The following CCSER1 variants were observed in gnomAD, a reference collection of about 807,000 sequenced individuals.
CCSER1 encodes the protein coiled-coil serine rich protein 1.
Under a neutral mutation model 82.0 loss-of-function variants are expected in CCSER1, and 41 were observed. That is an observed-to-expected ratio of 0.50 (90% CI 0.39 to 0.65). The LOEUF (loss-of-function observed/expected upper bound fraction) is 0.65, where lower values mean the gene tolerates loss of function less well. Among genes scored for constraint, CCSER1 ranks in the 30% least tolerant of loss-of-function variants. The pLI is 0.00. For synonymous variants in CCSER1, 414 were observed against 383.9 expected, an observed-to-expected ratio of 1.08 and a Z score of -0.92; for missense variants, 1,119 against 1,064.2, an observed-to-expected ratio of 1.05 and a Z score of -0.72.
chr4:91,336,127 CTG>C (rs1049439926), intron 10 of CCSER1, among the ~76,000 whole-genome samples: 1 of 152,072 alleles, frequency 6.6e-6, no homozygotes, highest in Non-Finnish European at 1.5e-5. Context: ...GTAATGATAT[CTG>C]TGTCTATGCA....
chr4:91,103,987 T>TG (rs35613651), intron 10 of CCSER1, among the ~76,000 whole-genome samples: 2 of 152,078 alleles, frequency 1.3e-5, no homozygotes, highest in South Asian at 2.1e-4. Flanking sequence ...AATGCATTCC[T>TG]GGGGGGAGGT....
At chr4:91,364,940 T>A (rs1749506882) in intron 10 of CCSER1, among the ~76,000 whole-genome samples, 2 of 152,108 alleles carry the variant, frequency 1.3e-5, no homozygotes, top group South Asian at 4.1e-4. Flanking sequence ...AGAAGGCCAT[T>A]AGTATATCTC....
chr4:90,460,714 T>A (rs966284935), intron 4 of CCSER1, among the ~76,000 whole-genome samples: 1 of 152,204 alleles, frequency 6.6e-6, no homozygotes, highest in African/African-American at 2.4e-5. Flanking sequence ...AATTGTAAAC[T>A]AAATTGTCTC....
intron 10 of CCSER1, among the ~76,000 whole-genome samples, chr4:91,268,666 G>C (rs1243327552): frequency 1.3e-5 from 2 of 152,152 alleles, no homozygotes; most frequent in East Asian, 3.9e-4. Context: ...AGGGAGATAG[G>C]GGTGGGGCTG....
At chr4:91,417,286 T>C (rs1753424579) in intron 10 of CCSER1, among the ~76,000 whole-genome samples, 1 of 152,162 alleles carries the variant, frequency 6.6e-6, no homozygotes, top group Admixed American at 6.6e-5. Context: ...AGTGTGGTGA[T>C]TTCTCACTGA....
chr4:90,457,048 C>T (rs367756513), intron 4 of CCSER1, among the ~76,000 whole-genome samples: 36 of 152,280 alleles, frequency 2.4e-4, no homozygotes, highest in African/African-American at 5.5e-4. Context: ...AGTGTGTAAG[C>T]GAGCGATCCC....
intron 6 of CCSER1, among the ~76,000 whole-genome samples, chr4:90,630,270 AT>A (rs1270554234): frequency 6.6e-6 from 1 of 152,214 alleles, no homozygotes. Context: ...ATATTAGAAG[AT>A]ACTAGTCTCA....
At chr4:90,427,012 A>G (rs533794354) in intron 4 of CCSER1, among the ~76,000 whole-genome samples, 2 of 152,248 alleles carry the variant, frequency 1.3e-5, no homozygotes, top group South Asian at 4.1e-4. Context: ...ATGAAAATAA[A>G]TGTTAAATAG....
In CCSER1 at chr4:90,750,005, C is replaced by T. The variant is rs192719519; in HGVS notation, c.2010+26014C>T. ...CATTCTAACTGGTGTGAGATGATAT[C>T]TCATTGTGGTGTTGATTTGTATTTC... On this transcript the variant is annotated intron_variant, in intron 7 of 10. Coordinates refer to ENST00000509176, the MANE Select transcript of CCSER1 (RefSeq NM_001145065.2). Among the ~76,000 whole-genome samples, 735 of 152,226 alleles carry T rather than the reference C, an allele frequency of 4.8e-3. 10 individuals carry two copies. Among genetic ancestry groups the T allele is most frequent in the Non-Finnish European group, 8.5e-3 (576 of 68,010 alleles).
intron 9 of CCSER1, among the ~76,000 whole-genome samples, chr4:91,035,854 A>G (rs1741388776): frequency 6.6e-6 from 1 of 152,216 alleles, no homozygotes; most frequent in African/African-American, 2.4e-5. Context: ...CTAAAACGCC[A>G]CAAAATAAGG....
chr4:91,177,011 G>A (rs999706335), intron 10 of CCSER1, among the ~76,000 whole-genome samples: 1 of 152,126 alleles, frequency 6.6e-6, no homozygotes, highest in Non-Finnish European at 1.5e-5. Flanking sequence ...CTAGTTTATT[G>A]AGAGTTTTTA....
intron 10 of CCSER1, among the ~76,000 whole-genome samples, chr4:91,232,719 A>G (rs1000812861): frequency 6.6e-6 from 1 of 151,842 alleles, no homozygotes; most frequent in Non-Finnish European, 1.5e-5. Context: ...TTGTATAAAG[A>G]CAAAATTTTA....
intron 5 of CCSER1, among the ~76,000 whole-genome samples, chr4:90,556,943 A>G (rs910859533): frequency 4.0e-5 from 6 of 151,824 alleles, no homozygotes; most frequent in Non-Finnish European, 7.4e-5. Flanking sequence ...TTTATTAGCA[A>G]ACATAAATAA....
chr4:91,288,241 G>A (rs1210522147), intron 10 of CCSER1, among the ~76,000 whole-genome samples: 5 of 151,134 alleles, frequency 3.3e-5, no homozygotes, highest in Admixed American at 1.3e-4. Flanking sequence ...GTAGAAAGCT[G>A]TAAAGAACAT....
intron 10 of CCSER1, among the ~76,000 whole-genome samples, chr4:91,473,266 T>C (rs1757384076): frequency 6.6e-6 from 1 of 152,188 alleles, no homozygotes; most frequent in Admixed American, 6.5e-5. Flanking sequence ...TAATTTTCAT[T>C]GTGGAAGCTT....
chr4:91,459,406 A>C (rs1756376463), intron 10 of CCSER1, among the ~76,000 whole-genome samples: 1 of 152,074 alleles, frequency 6.6e-6, no homozygotes, highest in African/African-American at 2.4e-5. Flanking sequence ...GATACAAATA[A>C]AATTGTTTGA....
At chr4:90,285,517 C>T (rs9654163) in intron 1 of CCSER1, among the ~76,000 whole-genome samples, 7,357 of 151,828 alleles carry the variant, frequency 0.048, 478 homozygotes, top group African/African-American at 0.15. Flanking sequence ...CTGAATTTGT[C>T]TGTGAGTTAT....
At chr4:90,349,592 C>T (rs185419353) in intron 3 of CCSER1, among the ~76,000 whole-genome samples, 1 of 151,910 alleles carries the variant, frequency 6.6e-6, no homozygotes, top group Non-Finnish European at 1.5e-5. Flanking sequence ...ATCTTCCATC[C>T]TTTAAAATTC....
intron 10 of CCSER1, among the ~76,000 whole-genome samples, chr4:91,260,337 A>AG (rs1741009832): frequency 6.6e-6 from 1 of 152,180 alleles, no homozygotes; most frequent in Non-Finnish European, 1.5e-5. Flanking sequence ...GCTTGGAGAT[A>AG]GGGGAAAAAG....
Sources: gnomAD v4.1 joint callset for allele counts (sites outside exome capture counted in the v4.1 genomes callset) on GRCh38, gnomAD v4.1.1 for gene constraint, MANE v1.5 for transcripts, NCBI Gene and HGNC (gene_info 2026-07-23, HGNC 2026-07-21) for gene names.